Variants in OLFML2A observed in about 807,000 individuals in gnomAD.
The protein encoded by OLFML2A is olfactomedin like 2A.
Under a neutral mutation model 60.9 loss-of-function variants are expected in OLFML2A, and 47 were observed. That is an observed-to-expected ratio of 0.77 (90% confidence interval 0.61 to 0.98). The LOEUF (loss-of-function observed/expected upper bound fraction) is 0.98. OLFML2A is among the 50% of genes least tolerant of loss of function. The probability of loss-of-function intolerance (pLI) is 0.00; values close to 1 mark genes in which losing one functional copy is unlikely to be tolerated. For missense variants in OLFML2A, 922 were observed against 879.8 expected (o/e 1.05, Z -0.61); for synonymous variants, 372 against 375.0 (o/e 0.99, Z 0.09).
chr9:124,808,585 T>C (rs1841946897), intron 7 of OLFML2A, among the ~76,000 whole-genome samples: 1 of 152,038 alleles, frequency 6.6e-6, no homozygotes, highest in Non-Finnish European at 1.5e-5. Flanking sequence ...GAGGGAGCAC[T>C]GAAGGGGCTA....
At chr9:124,792,190 A>T (rs1311700786) in intron 2 of OLFML2A, among the ~76,000 whole-genome samples, 2 of 152,134 alleles carry the variant, frequency 1.3e-5, no homozygotes, top group African/African-American at 4.8e-5. Flanking sequence ...TGTGCCCCTG[A>T]TTCTGGCACC....
In OLFML2A at chr9:124,803,502, C is replaced by T. The variant is rs543321668; in HGVS notation, c.920-592C>T. Among the ~76,000 whole-genome samples, 17 of 152,086 alleles carry T rather than the reference C, an allele frequency of 1.1e-4. No individual in the cohort carries two copies. In the East Asian group the frequency reaches 2.9e-3, roughly 26 times the overall value. ...CTGGTCTTGAACTCCTGGGCTCAAG[C>T]GATCTGCCGGCCTCAGCCTCCCAAA... On this transcript the variant is annotated intron_variant, in intron 5 of 7. Coordinates refer to ENST00000373580, the MANE Select transcript of OLFML2A (RefSeq NM_182487.4).
rs1305280405 is a variant in OLFML2A, at chr9:124,811,807, T to C, written c.*1395T>C. Reference sequence around the variant, plus strand: ...CTCTTCTGCTTTTTTAGACAGTATTTTTAGAGCTGGAAAGAAATTTTCTAG... The same window carrying C: ...CTCTTCTGCTTTTTTAGACAGTATTCTTAGAGCTGGAAAGAAATTTTCTAG... On this transcript the variant is annotated 3_prime_UTR_variant, in exon 8 of 8. Transcript: ENST00000373580. 2 of 152,154 alleles carry C rather than the reference T, an allele frequency of 1.3e-5. No homozygotes were observed. The highest frequency in any genetic ancestry group is 4.8e-5 in the African/African-American group (2 of 41,420). The allele number at this position is 152,154 out of a possible 1,614,324, so 9.4% of individuals were successfully genotyped here.
Position 124,787,150 on chromosome 9 carries a change from C to T in OLFML2A, c.266C>T (p.Ser89Phe). ...TVSSGTDCRC[S>F]CTAPPSSLNP... Reference sequence around the variant, plus strand: ...AGCTCGGGCACTGACTGCCGCTGCTCCTGTACCGCACCTCCCTCCTCTCTC... The same window carrying T: ...AGCTCGGGCACTGACTGCCGCTGCTTCTGTACCGCACCTCCCTCCTCTCTC... Residue 89 changes from serine (S) to phenylalanine (F), a missense_variant, in exon 2 of 8, where the codon TCC becomes TTC. By Grantham distance (155) the Ser-to-Phe change is radical. Transcript: ENST00000373580. The T allele has an allele frequency of 6.2e-7, 1 of 1,614,218 alleles. No individual in the cohort carries two copies. The highest frequency in any genetic ancestry group is 8.5e-7 in the Non-Finnish European group (1 of 1,180,036).
At chr9:124,797,003 A>G (rs1055617527) in intron 3 of OLFML2A, among the ~76,000 whole-genome samples, 1 of 151,782 alleles carries the variant, frequency 6.6e-6, no homozygotes, top group African/African-American at 2.4e-5. Flanking sequence ...TAGTTTTTTG[A>G]TTGTTTGTTT....
chr9:124,801,603 G>T lies in OLFML2A; in HGVS notation c.859G>T (p.Val287Leu). The stretch of plus-strand genomic sequence containing the variant: ...CCGCGCCCTGGCCCAGCAGCAGGCT[G>T]TGATCCGGGGCTTCACCTACTACAA... ...KPRALAQQQA[V>L]IRGFTYYKAG... The change falls in exon 5 of 8, where the codon GTG becomes TTG. Residue 287 changes from valine (V) to leucine (L), a missense_variant. Physicochemically the swap from Val to Leu is conservative, Grantham distance 32 (BLOSUM62 1). Coordinates refer to ENST00000373580, the MANE Select transcript of OLFML2A (RefSeq NM_182487.4). The T allele has an allele frequency of 6.2e-7, 1 of 1,613,948 alleles. No individual in the cohort carries two copies. The highest frequency in any genetic ancestry group is 8.5e-7 in the Non-Finnish European group (1 of 1,180,034).
intron 2 of OLFML2A, among the ~76,000 whole-genome samples, chr9:124,789,899 A>G (rs890006170): frequency 1.3e-5 from 2 of 152,222 alleles, no homozygotes; most frequent in Non-Finnish European, 2.9e-5. Context: ...TGCAGACTCA[A>G]GGCACCCAGG....
At chr9:124,784,007 G>C (rs919016529) in intron 1 of OLFML2A, among the ~76,000 whole-genome samples, 1 of 152,158 alleles carries the variant, frequency 6.6e-6, no homozygotes, top group African/African-American at 2.4e-5. Context: ...AAGATTGGGG[G>C]ATAGGAGTTT....
chr9:124,785,180 C>G (rs2131245283), intron 1 of OLFML2A, among the ~76,000 whole-genome samples: 1 of 151,516 alleles, frequency 6.6e-6, no homozygotes, highest in East Asian at 1.9e-4. Flanking sequence ...TCTCGAACTC[C>G]CGACCTCAGG....
chr9:124,805,813 T>TTG (rs1263314602), intron 6 of OLFML2A, among the ~76,000 whole-genome samples: 6 of 126,810 alleles, frequency 4.7e-5, no homozygotes, highest in African/African-American at 2.0e-4. Context: ...TTTTGGTTTT[T>TTG]TTTTTTTTTT....
At position 124,813,589 on chromosome 9, in the gene OLFML2A, GC is replaced by G. The variant is rs1241162868; in HGVS notation, c.*3178del. 1 of 152,190 alleles carries G rather than the reference GC, an allele frequency of 6.6e-6. No individual in the cohort carries two copies. Among genetic ancestry groups the G allele is most frequent in the African/African-American group, 2.4e-5 (1 of 41,446 alleles). The allele number at this position is 152,190 out of a possible 1,614,324, so 9.4% of individuals were successfully genotyped here. ...GGCAGCTCCAGAAACGGAGGCTGTT[GC>G]TTTTATCCCTAAACTGCATCCACAG... On this transcript the variant is annotated 3_prime_UTR_variant, in exon 8 of 8. Coordinates refer to ENST00000373580, the MANE Select transcript of OLFML2A (RefSeq NM_182487.4).
intron 1 of OLFML2A, chr9:124,778,987 C>T (rs908835848): frequency 1.9e-4 from 189 of 983,526 alleles, no homozygotes; most frequent in Non-Finnish European, 2.2e-4. Flanking sequence ...ACTAGCCACA[C>T]GGTGAGTATA....
chr9:124,797,930 G>A (rs1404555269), intron 3 of OLFML2A, among the ~76,000 whole-genome samples: 2 of 152,190 alleles, frequency 1.3e-5, no homozygotes, highest in Non-Finnish European at 2.9e-5. Context: ...GCTGCTAAAA[G>A]TAGGCAAGGA....
Position 124,801,612 on chromosome 9 carries a change from G to A in OLFML2A, c.868G>A (p.Gly290Ser), listed in dbSNP as rs1191707289. The stretch of plus-strand genomic sequence containing the variant: ...GGCCCAGCAGCAGGCTGTGATCCGG[G>A]GCTTCACCTACTACAAGGCAGGCAA... ...ALAQQQAVIR[G>S]FTYYKAGKQE... Residue 290 changes from glycine (G) to serine (S), a missense_variant, in exon 5 of 8, where the codon GGC (glycine) becomes AGC (serine). Coordinates refer to ENST00000373580, the MANE Select transcript of OLFML2A (RefSeq NM_182487.4). 1 of 1,613,846 alleles carries A rather than the reference G, an allele frequency of 6.2e-7. No homozygotes were observed. Among genetic ancestry groups the A allele is most frequent in the Non-Finnish European group, 8.5e-7 (1 of 1,180,016 alleles).
intron 1 of OLFML2A, among the ~76,000 whole-genome samples, chr9:124,784,185 G>GT (rs922565289): frequency 6.6e-6 from 1 of 151,680 alleles, no homozygotes; most frequent in African/African-American, 2.4e-5. Flanking sequence ...CACAGAGGTA[G>GT]TTTTTTTCTT....
intron 1 of OLFML2A, among the ~76,000 whole-genome samples, chr9:124,783,758 T>G (rs942633176): frequency 6.6e-6 from 1 of 152,192 alleles, no homozygotes; most frequent in African/African-American, 2.4e-5. Context: ...AGCACTGTTA[T>G]GAAGACATAG....
intron 2 of OLFML2A, among the ~76,000 whole-genome samples, chr9:124,791,104 G>A (rs1175194207): frequency 2.6e-5 from 4 of 152,222 alleles, no homozygotes; most frequent in Non-Finnish European, 5.9e-5. Context: ...GGACACAGTT[G>A]CTGACCCCAG....
At chr9:124,795,172 G>A (rs1297550966) in intron 3 of OLFML2A, 41 bp downstream of exon 3, 3 of 1,270,776 alleles carry the variant, frequency 2.4e-6, no homozygotes, top group Middle Eastern at 2.0e-4. Flanking sequence ...CTGCTCTGGT[G>A]CTGGGGGCCA....
At chr9:124,808,831 T>C (rs1841950190) in intron 7 of OLFML2A, among the ~76,000 whole-genome samples, 1 of 151,806 alleles carries the variant, frequency 6.6e-6, no homozygotes, top group Non-Finnish European at 1.5e-5. Context: ...GAGTTTGGAC[T>C]TAACCCCGAG....
Sources: gnomAD v4.1 joint callset for allele counts (sites outside exome capture counted in the v4.1 genomes callset) on GRCh38, gnomAD v4.1.1 for gene constraint, MANE v1.5 for transcripts, NCBI Gene and HGNC (gene_info 2026-07-23, HGNC 2026-07-21) for gene names.